Variants in AFF3 observed in about 807,000 individuals in gnomAD.
The protein encoded by AFF3 is ALF transcription elongation factor 3, also known as AF4/FMR2 family member 3.
In AFF3, 32 loss-of-function variants were observed where a neutral mutation model predicts 129.7. That is an observed-to-expected ratio of 0.25 (90% CI 0.19 to 0.33). AFF3 has a LOEUF of 0.33. Among genes scored for constraint, AFF3 ranks in the 10% least tolerant of loss-of-function variants. The pLI is 1.00. For synonymous variants in AFF3, 644 were observed against 635.4 expected (o/e 1.01, Z -0.20); for missense variants, 1,373 against 1,592.0 (o/e 0.86, Z 2.34).
intron 18 of AFF3, 92 bp from the exon 19 acceptor site, chr2:99,569,007 AT>A: frequency 8.0e-7 from 1 of 1,253,026 alleles, no homozygotes. Context: ...TTAAGGCACA[AT>A]TTAAAAACTC....
intron 10 of AFF3, among the ~76,000 whole-genome samples, chr2:99,727,919 T>G (rs996331747): frequency 3.3e-5 from 5 of 152,136 alleles, no homozygotes; most frequent in African/African-American, 1.2e-4. Context: ...AAGATCCCCC[T>G]ATTTTATACC....
intron 7 of AFF3, among the ~76,000 whole-genome samples, chr2:99,897,467 C>T (rs544694851): frequency 6.6e-6 from 1 of 152,254 alleles, no homozygotes; most frequent in South Asian, 2.1e-4. Flanking sequence ...GTCTCTTTGG[C>T]CAGGTCTGCC....
intron 14 of AFF3, among the ~76,000 whole-genome samples, chr2:99,601,062 G>C (rs1679780009): frequency 6.6e-6 from 1 of 152,140 alleles, no homozygotes; most frequent in African/African-American, 2.4e-5. Context: ...TTTATGGGTG[G>C]TCACACTTCC....
intron 8 of AFF3, among the ~76,000 whole-genome samples, chr2:99,800,262 T>G (rs1422514185): frequency 1.3e-5 from 2 of 152,032 alleles, no homozygotes; most frequent in Non-Finnish European, 2.9e-5. Flanking sequence ...AAGGCCAAAG[T>G]TTTTTGAACA....
At chr2:100,079,365 GA>G (rs1688858906) in intron 4 of AFF3, among the ~76,000 whole-genome samples, 1 of 152,168 alleles carries the variant, frequency 6.6e-6, no homozygotes, top group South Asian at 2.1e-4. Flanking sequence ...GTAGTATCCT[GA>G]ATCTAAAATT....
At position 99,606,846 on chromosome 2, in the gene AFF3, G is replaced by A. The variant is rs576406505; in HGVS notation, c.1185-5225C>T. ...GGAGAATGGTGTGAACCCGGGAGGC[G>A]GAGCTTGCAGTGAGCTGAGATTGCG... On this transcript the variant is annotated intron_variant, in intron 13 of 24. Coordinates refer to ENST00000672756, the MANE Select transcript of AFF3 (RefSeq NM_001386135.1). Among the ~76,000 whole-genome samples the A allele has an allele frequency of 7.5e-5, 11 of 147,338 alleles. No homozygotes were observed. The East Asian group carries it at 1.8e-3, about 24-fold the overall frequency.
intron 12 of AFF3, among the ~76,000 whole-genome samples, chr2:99,670,173 G>C (rs539825026): frequency 4.6e-5 from 7 of 152,264 alleles, no homozygotes; most frequent in African/African-American, 1.7e-4. Context: ...CACTAAACTA[G>C]ACTGTCTTTT....
intron 13 of AFF3, among the ~76,000 whole-genome samples, chr2:99,627,932 T>C (rs1682752319): frequency 2.3e-5 from 1 of 44,186 alleles, no homozygotes; most frequent in African/African-American, 1.2e-4. Flanking sequence ...TGTCTGTTTT[T>C]GTACCAGTAC....
intron 24 of AFF3, among the ~76,000 whole-genome samples, chr2:99,552,224 A>G (rs1441501342): frequency 6.6e-6 from 1 of 152,114 alleles, no homozygotes; most frequent in Non-Finnish European, 1.5e-5. Flanking sequence ...TGTCTCTACT[A>G]AAGATACAAA....
rs562836899 is a variant in AFF3, at chr2:99,759,851, C to T, written c.922-7550G>A. Among the ~76,000 whole-genome samples, 3 of 152,306 alleles carry T rather than the reference C, an allele frequency of 2.0e-5. No individual in the cohort carries two copies. The South Asian group carries it at 6.2e-4, about 32-fold the overall frequency. ...GGAAAATCAAGGGCGAATGGACTAT[C>T]CTGATTTCCTCTTCTATCACTTGCT... On this transcript the variant is annotated intron_variant, in intron 8 of 24. Transcript: ENST00000672756.
intron 7 of AFF3, among the ~76,000 whole-genome samples, chr2:99,934,703 T>C (rs947190415): frequency 4.6e-5 from 7 of 152,186 alleles, no homozygotes; most frequent in Non-Finnish European, 1.0e-4. Flanking sequence ...CTTCCACCCT[T>C]GCTCAGCCCC....
At chr2:99,684,280 G>A (rs937897764) in intron 11 of AFF3, among the ~76,000 whole-genome samples, 4 of 152,170 alleles carry the variant, frequency 2.6e-5, no homozygotes, top group East Asian at 1.9e-4. Context: ...CTTATCCTAC[G>A]CTGTGTGGAC....
intron 7 of AFF3, among the ~76,000 whole-genome samples, chr2:99,961,708 A>G (rs1677225554): frequency 6.6e-6 from 1 of 152,220 alleles, no homozygotes; most frequent in African/African-American, 2.4e-5. Flanking sequence ...GTGAAAGGTG[A>G]AAAGAGTAAG....
At chr2:99,565,661 T>C (rs1360324628) in intron 19 of AFF3, 38 bp from the exon 20 acceptor site, 13 of 1,587,274 alleles carry the variant, frequency 8.2e-6, no homozygotes, top group South Asian at 3.4e-5. Flanking sequence ...TCCTAAACAA[T>C]AGTTTTTTTT....
intron 7 of AFF3, among the ~76,000 whole-genome samples, chr2:99,891,723 G>A (rs1182371552): frequency 6.6e-6 from 1 of 152,232 alleles, no homozygotes; most frequent in African/African-American, 2.4e-5. Flanking sequence ...CAGAGGTTCA[G>A]AATGTGTGGA....
chr2:99,968,125 C>T (rs929282493), intron 7 of AFF3, among the ~76,000 whole-genome samples: 4 of 152,166 alleles, frequency 2.6e-5, no homozygotes, highest in East Asian at 3.9e-4. Flanking sequence ...TCTCAAGGCC[C>T]ACTCAGCTGA....
chr2:99,928,738 T>C (rs1038902780), intron 7 of AFF3, among the ~76,000 whole-genome samples: 1 of 152,210 alleles, frequency 6.6e-6, no homozygotes, highest in Admixed American at 6.5e-5. Context: ...GTCTTGGCCA[T>C]GTGCTGGGTA....
rs567148237 is a variant in AFF3, at chr2:99,929,924, T to G, written c.873+76708A>C. ...ATACATTTTGAATTTTTAGCTTTTT[T>G]TTTTTTTAATGAGTATCTGACTTCT... On this transcript the variant is annotated intron_variant, in intron 7 of 24. Transcript: ENST00000672756. Among the ~76,000 whole-genome samples the G allele has an allele frequency of 2.6e-5, 4 of 152,168 alleles. No homozygotes were observed. In the South Asian group the frequency reaches 6.2e-4, roughly 24 times the overall value.
intron 9 of AFF3, among the ~76,000 whole-genome samples, chr2:99,748,318 A>G (rs1437438666): frequency 6.6e-6 from 1 of 152,178 alleles, no homozygotes; most frequent in African/African-American, 2.4e-5. Context: ...TGTCTTCTGT[A>G]GGTAGGTGCC....
Sources: allele counts gnomAD v4.1 joint callset (sites outside exome capture counted in the v4.1 genomes callset), GRCh38; gene constraint gnomAD v4.1.1; transcripts MANE v1.5; gene names NCBI Gene and HGNC (gene_info 2026-07-23, HGNC 2026-07-21).